Variants in ESR1 observed in about 807,000 individuals in gnomAD.
ESR1 encodes estrogen receptor 1, also known as estrogen receptor.
In ESR1, 12 loss-of-function variants were observed where a neutral mutation model predicts 52.7. The observed-to-expected ratio is 0.23, with a 90% CI of 0.15 to 0.37. ESR1 has a LOEUF of 0.37. Among genes scored for constraint, ESR1 ranks in the 10% least tolerant of loss-of-function variants. The probability of loss-of-function intolerance (pLI) is 1.00; values close to 1 mark genes in which losing one functional copy is unlikely to be tolerated. For missense variants in ESR1, 584 were observed against 779.7 expected, an observed-to-expected ratio of 0.75 and a Z score of 2.99; for synonymous variants, 305 against 316.8, an observed-to-expected ratio of 0.96 and a Z score of 0.39.
At chr6:151,955,778 T>C (rs2036837248) in intron 4 of ESR1, among the ~76,000 whole-genome samples, 1 of 152,162 alleles carries the variant, frequency 6.6e-6, no homozygotes, top group Non-Finnish European at 1.5e-5. Flanking sequence ...GTTATATAGG[T>C]AAACTCATGG....
At chr6:151,817,343 A>G (rs1011679391) in intron 1 of ESR1, among the ~76,000 whole-genome samples, 3 of 152,158 alleles carry the variant, frequency 2.0e-5, no homozygotes, top group East Asian at 3.9e-4. Flanking sequence ...TACTCTTCCT[A>G]TGACTTTAGA....
chr6:151,869,563 T>G (rs1790577415), intron 2 of ESR1, among the ~76,000 whole-genome samples: 1 of 152,130 alleles, frequency 6.6e-6, no homozygotes, highest in African/African-American at 2.4e-5. Flanking sequence ...TGCCAGGTGC[T>G]TAAAACAATT....
chr6:152,118,052 C>T (rs2051230262), intron 6 of ESR1, among the ~76,000 whole-genome samples: 2 of 152,190 alleles, frequency 1.3e-5, no homozygotes. Flanking sequence ...AACCACTCCA[C>T]CTGCCTCCAT....
chr6:151,732,091 A>C (rs1219762756), intron 2 of ESR1, among the ~76,000 whole-genome samples: 2 of 152,190 alleles, frequency 1.3e-5, no homozygotes, highest in East Asian at 3.8e-4. Flanking sequence ...GAGAGATAAA[A>C]TCTGAAAATG....
chr6:151,995,996 A>C (rs563765065), intron 4 of ESR1, among the ~76,000 whole-genome samples: 1 of 152,252 alleles, frequency 6.6e-6, no homozygotes, highest in African/African-American at 2.4e-5. Context: ...ATCTCACCCA[A>C]GGCCCTGCTG....
At chr6:151,679,066 A>G (rs1410626446) in intron 1 of ESR1, among the ~76,000 whole-genome samples, 2 of 152,200 alleles carry the variant, frequency 1.3e-5, no homozygotes, top group Non-Finnish European at 2.9e-5. Context: ...ACATTCAAAA[A>G]AAGTATTTTT....
At chr6:152,027,196 C>A (rs1185003704) in intron 5 of ESR1, among the ~76,000 whole-genome samples, 2 of 152,096 alleles carry the variant, frequency 1.3e-5, no homozygotes, top group African/African-American at 4.8e-5. Flanking sequence ...GAATTCCTGA[C>A]CTCAAGTGAT....
chr6:151,968,470 T>C (rs13216697), intron 4 of ESR1, among the ~76,000 whole-genome samples: 29,977 of 152,156 alleles, frequency 0.2, 3,270 homozygotes, highest in African/African-American at 0.29. Flanking sequence ...GAAACCATCA[T>C]CAGGGTGAAC....
intron 5 of ESR1, among the ~76,000 whole-genome samples, chr6:152,035,550 T>C (rs1249811756): frequency 6.6e-6 from 1 of 152,110 alleles, no homozygotes; most frequent in Non-Finnish European, 1.5e-5. Context: ...ATCAATATAT[T>C]TAGCTCATTT....
chr6:152,047,956 ATTTTTTTTTTTTT>A (rs71017517), intron 5 of ESR1, among the ~76,000 whole-genome samples: 13 of 67,776 alleles, frequency 1.9e-4, no homozygotes, highest in South Asian at 5.6e-4. Context: ...CTCCTCAAGC[ATTTTTTTTTTTTT>A]TTTTTTTTTT....
chr6:152,000,992 G>T, intron 4 of ESR1, among the ~76,000 whole-genome samples: 1 of 152,002 alleles, frequency 6.6e-6, no homozygotes, highest in East Asian at 1.9e-4. Context: ...AGGAAATACT[G>T]CTGTAGTTCC....
chr6:151,685,644 G>T (rs536158603), upstream of ESR1, among the ~76,000 whole-genome samples: 43 of 152,314 alleles, frequency 2.8e-4, no homozygotes, highest in Admixed American at 2.4e-3. Context: ...CAGATGGGGA[G>T]TAAGAAGGGT....
At chr6:151,936,751 T>C (rs2034411222) in intron 3 of ESR1, among the ~76,000 whole-genome samples, 2 of 152,106 alleles carry the variant, frequency 1.3e-5, no homozygotes, top group Admixed American at 1.3e-4. Context: ...GGGAAAAAAA[T>C]TGGGGTGAGC....
intron 1 of ESR1, among the ~76,000 whole-genome samples, chr6:151,699,614 A>G (rs1020000987): frequency 3.3e-5 from 5 of 152,232 alleles, no homozygotes; most frequent in African/African-American, 1.2e-4. Context: ...GGCAACTAAG[A>G]AAAATTTCTT....
chr6:152,097,153 C>G (rs1052629776), intron 7 of ESR1, among the ~76,000 whole-genome samples: 1 of 152,008 alleles, frequency 6.6e-6, no homozygotes, highest in Non-Finnish European at 1.5e-5. Context: ...CTCTTTCTCT[C>G]TCTCTCTCTG....
intron 6 of ESR1, chr6:152,113,047 GT>G (rs1164489201): frequency 7.1e-6 from 1 of 141,628 alleles, no homozygotes; most frequent in Non-Finnish European, 1.5e-5. Flanking sequence ...TCTGAGAACT[GT>G]TTCAGGAGAA....
intron 2 of ESR1, among the ~76,000 whole-genome samples, chr6:151,714,640 C>T (rs1009757297): frequency 1.3e-5 from 2 of 152,076 alleles, no homozygotes; most frequent in Admixed American, 1.3e-4. Flanking sequence ...TCTGTTTTAT[C>T]AGAGACTAGG....
At position 151,659,083 on chromosome 6, in the gene ESR1, G is replaced by A. The variant is rs529316883; in HGVS notation, n.73+2320G>A. Among the ~76,000 whole-genome samples, 5 of 151,676 alleles carry A rather than the reference G, an allele frequency of 3.3e-5. No individual in the cohort carries two copies. In the South Asian group the frequency reaches 6.3e-4, roughly 19 times the overall value. On this transcript the variant is annotated intron_variant and non_coding_transcript_variant, in intron 1 of 2. Coordinates refer to the ESR1 transcript ENST00000473497. ...GGCTGGAGTGCAGTAGTGTGATCTCGGCTCACCGCAACCTCCGCCTCCTGG... is the reference window on the plus strand; with the variant it reads ...GGCTGGAGTGCAGTAGTGTGATCTCAGCTCACCGCAACCTCCGCCTCCTGG...
At chr6:151,705,170 T>C (rs1780094885) in intron 2 of ESR1, among the ~76,000 whole-genome samples, 1 of 152,124 alleles carries the variant, frequency 6.6e-6, no homozygotes, top group African/African-American at 2.4e-5. Context: ...ACAGATTATA[T>C]ATATCTGGAA....
Sources: allele counts gnomAD v4.1 joint callset (sites outside exome capture counted in the v4.1 genomes callset), GRCh38; gene constraint gnomAD v4.1.1; transcripts MANE v1.5; gene names NCBI Gene and HGNC (gene_info 2026-07-23, HGNC 2026-07-21).